The following ASTN2 variants were observed in gnomAD, a reference collection of about 807,000 sequenced individuals.
ASTN2 encodes the protein astrotactin-2.
A neutral mutation model predicts 139.8 loss-of-function variants in ASTN2; 54 were observed. The observed-to-expected ratio is 0.39, with a 90% CI of 0.31 to 0.48. ASTN2 has a LOEUF of 0.48. Ranked by LOEUF, ASTN2 falls within the 20% of genes least tolerant of loss-of-function variation. The pLI is 0.95. For synonymous variants in ASTN2, 756 were observed against 719.5 expected, an observed-to-expected ratio of 1.05 and a Z score of -0.81; for missense variants, 1,565 against 1,725.1, an observed-to-expected ratio of 0.91 and a Z score of 1.64.
At chr9:116,861,973 C>CT (rs56282333) in intron 11 of ASTN2, among the ~76,000 whole-genome samples, 4,809 of 133,570 alleles carry the variant, frequency 0.036, 129 homozygotes, top group East Asian at 0.088. Context: ...TTTCCTTCTT[C>CT]TTTTTTTTTT....
chr9:116,449,011 G>A (rs1848092193), intron 20 of ASTN2, among the ~76,000 whole-genome samples: 1 of 152,182 alleles, frequency 6.6e-6, no homozygotes, highest in Non-Finnish European at 1.5e-5. Flanking sequence ...AATAGACACT[G>A]GAGCCCTGCT....
chr9:117,361,475 C>A (rs1829690478), intron 1 of ASTN2, among the ~76,000 whole-genome samples: 1 of 152,162 alleles, frequency 6.6e-6, no homozygotes, highest in African/African-American at 2.4e-5. Flanking sequence ...GATACCATCA[C>A]CACCTCAGGG....
At chr9:116,622,279 A>G (rs1444996634) in intron 17 of ASTN2, among the ~76,000 whole-genome samples, 2 of 152,186 alleles carry the variant, frequency 1.3e-5, no homozygotes, top group Non-Finnish European at 2.9e-5. Flanking sequence ...TTCTCCTGGA[A>G]GTTGACAAAA....
intron 7 of ASTN2, among the ~76,000 whole-genome samples, chr9:117,003,578 G>A (rs144279694): frequency 4.5e-3 from 128 of 28,506 alleles, no homozygotes; most frequent in African/African-American, 0.011. Flanking sequence ...GGCTATTGGT[G>A]GAAGAGTGCC....
At chr9:117,401,756 T>C (rs1830832530) in intron 1 of ASTN2, among the ~76,000 whole-genome samples, 1 of 152,218 alleles carries the variant, frequency 6.6e-6, no homozygotes, top group African/African-American at 2.4e-5. Context: ...TGTGTTCCAG[T>C]ACATTTTTAT....
intron 1 of ASTN2, among the ~76,000 whole-genome samples, chr9:117,320,959 T>C (rs935152756): frequency 6.6e-6 from 1 of 152,208 alleles, no homozygotes; most frequent in African/African-American, 2.4e-5. Context: ...CAGCCTGATG[T>C]TCTGGTGTGC....
intron 6 of ASTN2, among the ~76,000 whole-genome samples, chr9:117,023,342 C>G (rs537342937): frequency 6.6e-4 from 101 of 152,234 alleles, no homozygotes; most frequent in African/African-American, 2.3e-3. Flanking sequence ...TCAAGTCACC[C>G]AAATGGTTTT....
At chr9:116,884,594 C>A (rs1833541366) in intron 10 of ASTN2, among the ~76,000 whole-genome samples, 1 of 152,032 alleles carries the variant, frequency 6.6e-6, no homozygotes, top group South Asian at 2.1e-4. Context: ...ATCTCTTGAA[C>A]CCCAGACGCA....
chr9:117,024,348 C>A lies in ASTN2; in HGVS notation c.1423+15471G>T, dbSNP rs572143782. ...TTTGGGTTTCAAAATAAAATTGCAACCAATAATTCAATAACAGGAATCATA... is the reference window on the plus strand; with the variant it reads ...TTTGGGTTTCAAAATAAAATTGCAAACAATAATTCAATAACAGGAATCATA... On this transcript the variant is annotated intron_variant, in intron 6 of 22. Transcript: ENST00000313400. Among the ~76,000 whole-genome samples, 17 of 151,956 alleles carry A rather than the reference C, an allele frequency of 1.1e-4. 1 individual carries two copies. Among genetic ancestry groups the A allele is most frequent in the Admixed American group, 1.3e-4 (2 of 15,256 alleles).
At chr9:116,527,045 A>C (rs1463414526) in intron 19 of ASTN2, among the ~76,000 whole-genome samples, 2 of 152,220 alleles carry the variant, frequency 1.3e-5, no homozygotes, top group Non-Finnish European at 2.9e-5. Flanking sequence ...TCAACTCAAA[A>C]TGAAGCAAAG....
chr9:117,072,007 T>C (rs1203619437), intron 5 of ASTN2, among the ~76,000 whole-genome samples: 1 of 152,158 alleles, frequency 6.6e-6, no homozygotes, highest in Non-Finnish European at 1.5e-5. Context: ...ACCGGAGCTG[T>C]TCCTATTCGG....
At chr9:116,551,675 C>A (rs1203145573) in intron 19 of ASTN2, among the ~76,000 whole-genome samples, 2 of 152,152 alleles carry the variant, frequency 1.3e-5, no homozygotes, top group Non-Finnish European at 2.9e-5. Flanking sequence ...TCCAGCACCC[C>A]CTACAACACA....
intron 5 of ASTN2, among the ~76,000 whole-genome samples, chr9:117,064,665 G>C (rs771701571): frequency 6.6e-6 from 1 of 152,110 alleles, no homozygotes; most frequent in Non-Finnish European, 1.5e-5. Flanking sequence ...TAGGAGGGTC[G>C]GGGGGAAGGG....
chr9:116,567,718 A>T (rs1853306240), intron 19 of ASTN2, among the ~76,000 whole-genome samples: 1 of 152,154 alleles, frequency 6.6e-6, no homozygotes, highest in Non-Finnish European at 1.5e-5. Context: ...CACGAAGAAG[A>T]TGAAGGAAGG....
chr9:116,954,298 T>C (rs1230202458), intron 10 of ASTN2, among the ~76,000 whole-genome samples: 1 of 152,214 alleles, frequency 6.6e-6, no homozygotes, highest in Non-Finnish European at 1.5e-5. Context: ...GCTACTTAGT[T>C]ATACAGGAGA....
intron 1 of ASTN2, among the ~76,000 whole-genome samples, chr9:117,314,368 C>T (rs532358894): frequency 6.6e-6 from 1 of 152,070 alleles, no homozygotes; most frequent in East Asian, 1.9e-4. Flanking sequence ...CTTGGCCAAA[C>T]CTGGAGGAAC....
In ASTN2 at chr9:116,755,996, G is replaced by A. The variant is rs188795978; in HGVS notation, c.2397-22473C>T. On this transcript the variant is annotated intron_variant, in intron 13 of 22. Coordinates refer to ENST00000313400, the MANE Select transcript of ASTN2 (RefSeq NM_001365068.1). ...TGGTGACCCTACAAGACTCAATTTG[G>A]TTGTTGCCTCCAGAACTGTGAGTGA... 2.6e-5 allele frequency among the ~76,000 whole-genome samples: 4 copies of A among 152,310 alleles called. No individual in the cohort carries two copies. The East Asian group carries it at 5.8e-4, about 22-fold the overall frequency.
chr9:117,366,899 T>C (rs1290662806), intron 1 of ASTN2, among the ~76,000 whole-genome samples: 2 of 152,034 alleles, frequency 1.3e-5, no homozygotes, highest in African/African-American at 2.4e-5. Flanking sequence ...CTCAGCCTCC[T>C]GAGTAGCTGG....
chr9:116,971,962 A>G (rs867145138), intron 10 of ASTN2, among the ~76,000 whole-genome samples: 36 of 152,200 alleles, frequency 2.4e-4, no homozygotes, highest in African/African-American at 8.4e-4. Context: ...TCCATAGCCT[A>G]TGCCCTCAGA....
Sources: gnomAD v4.1 joint callset for allele counts (sites outside exome capture counted in the v4.1 genomes callset) on GRCh38, gnomAD v4.1.1 for gene constraint, MANE v1.5 for transcripts, NCBI Gene and HGNC (gene_info 2026-07-23, HGNC 2026-07-21) for gene names.